Variants in CUX1 observed in about 807,000 individuals in gnomAD.
CUX1 encodes the protein protein CASP.
CUX1 carries 31 observed loss-of-function variants against 158.8 expected under a neutral mutation model. That is an observed-to-expected ratio of 0.20 (90% CI 0.15 to 0.26). CUX1 has a LOEUF of 0.26. Ranked by LOEUF, CUX1 falls within the 10% of genes least tolerant of loss-of-function variation. The pLI is 1.00. For missense variants in CUX1, 1,589 were observed against 2,014.6 expected (o/e 0.79, Z 4.04); for synonymous variants, 879 against 862.1 (o/e 1.02, Z -0.34).
At chr7:101,829,460 G>A (rs564424931) in intron 1 of CUX1, among the ~76,000 whole-genome samples, 40 of 152,254 alleles carry the variant, frequency 2.6e-4, no homozygotes, top group African/African-American at 8.2e-4. Flanking sequence ...ATGGAGCTGC[G>A]TACCTGCCAT....
Position 102,116,629 on chromosome 7 carries a change from G to A in CUX1, c.674+1356G>A, listed in dbSNP as rs150063101. ...AGTGCACTCCAGCCTGGGCAACAGA[G>A]CAAGACCCTGCCCCTAAAAAAATTT... is the stretch of plus-strand genomic sequence containing the variant. On this transcript the variant is annotated intron_variant, in intron 8 of 23. Coordinates refer to ENST00000292535, the MANE Select transcript of CUX1 (RefSeq NM_181552.4). Among the ~76,000 whole-genome samples, 875 of 152,186 alleles carry A rather than the reference G, an allele frequency of 5.7e-3. 8 individuals carry two copies. Among genetic ancestry groups the A allele is most frequent in the African/African-American group, 0.02 (844 of 41,500 alleles).
At chr7:101,935,059 C>G (rs1806755177) in intron 2 of CUX1, among the ~76,000 whole-genome samples, 2 of 152,138 alleles carry the variant, frequency 1.3e-5, no homozygotes, top group South Asian at 4.1e-4. Context: ...GCCATCATAT[C>G]CCCTGTGACC....
rs766503733 is a variant in CUX1 at position 101,873,093 on chromosome 7, G to A, written c.31-43022G>A. ...TCACCATGTTGGCCAGGATGGTCTT[G>A]ATCTCCTGACCTTGTGATCCTCCCA... is the stretch of plus-strand genomic sequence containing the variant. On this transcript the variant is annotated intron_variant, in intron 1 of 23. Coordinates refer to ENST00000292535, the MANE Select transcript of CUX1 (RefSeq NM_181552.4). 4.2e-4 allele frequency among the ~76,000 whole-genome samples: 64 copies of A among 150,886 alleles called. 1 individual carries two copies. The highest frequency in any genetic ancestry group is 1.8e-4 in the Non-Finnish European group (12 of 67,884).
chr7:102,144,636 G>A (rs1206519727), intron 8 of CUX1, among the ~76,000 whole-genome samples: 7 of 140,424 alleles, frequency 5.0e-5, no homozygotes, highest in African/African-American at 1.4e-4. Context: ...ACACCACTAC[G>A]CTCCAGCCTG....
intron 2 of CUX1, among the ~76,000 whole-genome samples, chr7:101,990,756 T>A (rs1176280298): frequency 6.6e-6 from 1 of 152,168 alleles, no homozygotes; most frequent in Admixed American, 6.5e-5. Context: ...AAACATACAG[T>A]GGCTGCTAAA....
chr7:102,233,960 C>A, intron 21 of CUX1, 92 bp from the exon 22 acceptor site: 1 of 1,075,546 alleles, frequency 9.3e-7, no homozygotes. Flanking sequence ...CCTTTAAACT[C>A]CTGTGTCTGA....
At chr7:101,847,504 C>T (rs919524732) in intron 1 of CUX1, among the ~76,000 whole-genome samples, 2 of 152,182 alleles carry the variant, frequency 1.3e-5, no homozygotes, top group African/African-American at 4.8e-5. Flanking sequence ...TTGGGCACTG[C>T]TGAACCTGCT....
chr7:101,909,686 A>G (rs1202933465), intron 1 of CUX1, among the ~76,000 whole-genome samples: 1 of 152,186 alleles, frequency 6.6e-6, no homozygotes, highest in Non-Finnish European at 1.5e-5. Flanking sequence ...CACTCTTTGG[A>G]TTAAAGTTTG....
intron 2 of CUX1, among the ~76,000 whole-genome samples, chr7:101,973,764 C>CT (rs1440692854): frequency 2.7e-5 from 4 of 149,096 alleles, no homozygotes; most frequent in Admixed American, 2.0e-4. Flanking sequence ...TTTTCTTTTT[C>CT]TTTTTCTTTT....
chr7:102,281,756 AG>A (rs1554549300), intron 20 of CUX1: 2 of 855,932 alleles, frequency 2.3e-6, no homozygotes, highest in Non-Finnish European at 2.0e-6. Flanking sequence ...TTGCCACCCT[AG>A]GGCCCTTTCT....
At position 101,971,625 on chromosome 7, in the gene CUX1, A is replaced by G. The variant is rs1811961858; in HGVS notation, c.141+55400A>G. Among the ~76,000 whole-genome samples, 5 of 152,228 alleles carry G rather than the reference A, an allele frequency of 3.3e-5. No individual in the cohort carries two copies. In the South Asian group the frequency reaches 1.0e-3, roughly 32 times the overall value. On this transcript the variant is annotated intron_variant, in intron 2 of 23. Coordinates refer to ENST00000292535, the MANE Select transcript of CUX1 (RefSeq NM_181552.4). ...TTGTGAGCTTCCCAGCAACCAATGC[A>G]AAAAGGGCAACCAGATAAGTCATGT...
rs571122761 is a variant in CUX1 at position 102,132,211 on chromosome 7, T to C, written c.674+16938T>C. Among the ~76,000 whole-genome samples, 329 of 145,706 alleles carry C rather than the reference T, an allele frequency of 2.3e-3. 1 individual carries two copies. The highest frequency in any genetic ancestry group is 8.2e-3 in the African/African-American group (310 of 37,598). On this transcript the variant is annotated intron_variant, in intron 8 of 23. Coordinates refer to ENST00000292535, the MANE Select transcript of CUX1 (RefSeq NM_181552.4). ...GTGGATAGATGGATGGGCGGGTGGA[T>C]AGATGGATGGATGGACAGACGGATG... is the stretch of plus-strand genomic sequence containing the variant.
At position 102,012,693 on chromosome 7, in the gene CUX1, G is replaced by A. The variant is rs528726291; in HGVS notation, c.142-15405G>A. On this transcript the variant is annotated intron_variant, in intron 2 of 23. Transcript: ENST00000292535. ...CATTCCCGTGTCCACTCTGTGTCCT[G>A]GAGAGTGGGGGCGGGGGGAGGGGGT... Among the ~76,000 whole-genome samples the A allele has an allele frequency of 3.7e-5, 5 of 134,104 alleles. No homozygotes were observed. The East Asian group carries it at 1.0e-3, about 28-fold the overall frequency. 88.0% of individuals were successfully genotyped at this position (134,104 alleles called of 152,430 possible).
At chr7:102,105,091 A>G (rs913394436) in intron 6 of CUX1, among the ~76,000 whole-genome samples, 3 of 151,946 alleles carry the variant, frequency 2.0e-5, no homozygotes, top group African/African-American at 7.2e-5. Flanking sequence ...AGGAAAGCCC[A>G]TTTCCCAGTG....
Position 102,277,938 on chromosome 7 carries a change from T to TC in CUX1, c.1564-3dup, listed in dbSNP as rs563967808. The TC allele has an allele frequency of 2.3e-3, 932 of 408,582 alleles. 1 individual carries two copies. Among genetic ancestry groups the TC allele is most frequent in the South Asian group, 3.6e-3 (111 of 30,798 alleles). The allele number at this position is 408,582 out of a possible 1,614,324, so 25.3% of individuals were successfully genotyped here. A position where few individuals can be genotyped will look rare whatever the true frequency, so the allele number is the denominator to read the frequency against. On this transcript the variant is annotated splice_polypyrimidine_tract_variant and intron_variant, in intron 17 of 22. Coordinates refer to the CUX1 transcript ENST00000292538. ...TCTCCCCCACCCCTTTCCTTGCCCC[T>TC]CCCCCCCCAGGAGAACCGCCTGGCC... is the stretch of plus-strand genomic sequence containing the variant.
In CUX1 at chr7:102,250,696, C is replaced by A; in HGVS notation, c.*1654C>A. ...TTTTTATGCACAGTTTTAGGGCAGT[C>A]TAAGTACAAACTGAAAGTCTAACTT... On this transcript the variant is annotated 3_prime_UTR_variant, in exon 24 of 24. Coordinates refer to ENST00000292535, the MANE Select transcript of CUX1 (RefSeq NM_181552.4). The A allele has an allele frequency of 1.0e-6, 1 of 985,394 alleles. No homozygotes were observed. The highest frequency in any genetic ancestry group is 1.2e-6 in the Non-Finnish European group (1 of 829,940). The allele number at this position is 985,394 out of a possible 1,614,324, so 61.0% of individuals were successfully genotyped here.
At chr7:101,900,432 A>T (rs1273635011) in intron 1 of CUX1, among the ~76,000 whole-genome samples, 1 of 152,206 alleles carries the variant, frequency 6.6e-6, no homozygotes, top group African/African-American at 2.4e-5. Flanking sequence ...CAATGGCAGG[A>T]TGTTGTAAAC....
At chr7:102,112,327 C>T (rs1276500120) in intron 7 of CUX1, among the ~76,000 whole-genome samples, 3 of 149,264 alleles carry the variant, frequency 2.0e-5, no homozygotes, top group African/African-American at 5.0e-5. Context: ...CTGCAAGCTC[C>T]GCCTCCTGGG....
chr7:102,248,860 A>T lies in CUX1; in HGVS notation c.4336A>T (p.Ser1446Cys). The change falls in exon 24 of 24, where the codon AGC becomes TGC. Residue 1446 changes from serine to cysteine, a missense_variant. Physicochemically the swap from Ser to Cys is moderately radical, Grantham distance 112 (BLOSUM62 -1). Coordinates refer to ENST00000292535, the MANE Select transcript of CUX1 (RefSeq NM_181552.4). This position sits in a 1 kb window ranked among gnomAD's most constrained non-coding sequence, Gnocchi z 5.8. The stretch of plus-strand genomic sequence containing the variant: ...CGCGCCGCCGCCCAGCAACAGCAGC[A>T]GCAGCAGCGCCCCCCGCAGGCCCAG... ...SSAPPPSNSS[S>C]SSAPRRPSSL... The T allele has an allele frequency of 6.2e-6, 8 of 1,288,476 alleles. No individual in the cohort carries two copies. The highest frequency in any genetic ancestry group is 7.9e-6 in the Non-Finnish European group (8 of 1,011,718). The allele number at this position is 1,288,476 out of a possible 1,614,324, so 79.8% of individuals were successfully genotyped here.
Sources: allele counts gnomAD v4.1 joint callset (sites outside exome capture counted in the v4.1 genomes callset), GRCh38; gene constraint gnomAD v4.1.1; non-coding constraint Gnocchi (gnomAD v3.1); transcripts MANE v1.5; gene names NCBI Gene and HGNC (gene_info 2026-07-23, HGNC 2026-07-21).